HYAL4: variants seen among roughly 807,000 people sequenced by gnomAD.
HYAL4 encodes the protein hyaluronidase 4.
Under a neutral mutation model 35.2 loss-of-function variants are expected in HYAL4, and 37 were observed. The ratio of observed to expected loss-of-function variants is 1.05; its 90% CI spans 0.81 to 1.38. The LOEUF (loss-of-function observed/expected upper bound fraction) is 1.38. Among genes scored for constraint, HYAL4 ranks in the 40% most tolerant of loss-of-function variants. HYAL4 has a pLI of 0.00. For synonymous variants in HYAL4, 198 were observed against 203.2 expected, an observed-to-expected ratio of 0.97 and a Z score of 0.22; for missense variants, 572 against 572.4, an observed-to-expected ratio of 1.00 and a Z score of 0.01.
At chr7:123,823,865 AC>A in the HYAL4 span, among the ~76,000 whole-genome samples, 1 of 151,984 alleles carries the variant, frequency 6.6e-6, no homozygotes, top group Non-Finnish European at 1.5e-5. Context: ...AATAACTACT[AC>A]TTTTCTAAAG....
At chr7:123,801,208 T>C in the HYAL4 span, among the ~76,000 whole-genome samples, 1 of 151,994 alleles carries the variant, frequency 6.6e-6, no homozygotes, top group Non-Finnish European at 1.5e-5. Context: ...TTATTCATAT[T>C]ATTTCTCATT....
chr7:123,861,935 A>G (rs1806584382), intron 2 of HYAL4, among the ~76,000 whole-genome samples: 1 of 152,200 alleles, frequency 6.6e-6, no homozygotes, highest in Non-Finnish European at 1.5e-5. Context: ...AGTTTTTAAG[A>G]AAAATGTATG....
Position 123,877,385 on chromosome 7 carries a change from A to G in HYAL4, c.*230A>G. ...CACTTCCTCCTTATTGGAATATTTAAGTTGCATTTAAACTAAAACTAGTAT... is the reference window on the plus strand; with the variant it reads ...CACTTCCTCCTTATTGGAATATTTAGGTTGCATTTAAACTAAAACTAGTAT... On this transcript the variant is annotated 3_prime_UTR_variant, in exon 5 of 5. Transcript: ENST00000223026. The G allele has an allele frequency of 4.6e-6, 2 of 434,666 alleles. No individual in the cohort carries two copies. Among genetic ancestry groups the G allele is most frequent in the South Asian group, 1.2e-4 (2 of 17,312 alleles). 26.9% of individuals were successfully genotyped at this position (434,666 alleles called of 1,614,324 possible). A position where few individuals can be genotyped will look rare whatever the true frequency, so the allele number is the denominator to read the frequency against.
At chr7:123,816,347 C>T in the HYAL4 span, among the ~76,000 whole-genome samples, 8 of 152,126 alleles carry the variant, frequency 5.3e-5, no homozygotes, top group African/African-American at 1.9e-4. Context: ...TAAGGTATTC[C>T]TCAAGTGATG....
chr7:123,873,154 G>A (rs574582682), intron 3 of HYAL4, among the ~76,000 whole-genome samples: 1 of 152,256 alleles, frequency 6.6e-6, no homozygotes, highest in Non-Finnish European at 1.5e-5. Flanking sequence ...AGAGTCTGCA[G>A]TCTTGGTACT....
At chr7:123,767,759 C>T in the HYAL4 span, among the ~76,000 whole-genome samples, 3 of 152,208 alleles carry the variant, frequency 2.0e-5, no homozygotes, top group Non-Finnish European at 4.4e-5. Flanking sequence ...GTTCCACCCA[C>T]ACACATATAT....
At chr7:123,836,447 C>A (rs766233562) in intron 1 of HYAL4, among the ~76,000 whole-genome samples, 6 of 152,148 alleles carry the variant, frequency 3.9e-5, no homozygotes, top group Non-Finnish European at 7.3e-5. Flanking sequence ...TTTTCCACCC[C>A]TCTACCTTAA....
the HYAL4 span, among the ~76,000 whole-genome samples, chr7:123,821,576 A>G: frequency 6.6e-6 from 1 of 152,148 alleles, no homozygotes; most frequent in Non-Finnish European, 1.5e-5. Flanking sequence ...TGGTTTGGAA[A>G]TATTTCTACT....
chr7:123,805,305 T>C, the HYAL4 span, among the ~76,000 whole-genome samples: 3 of 152,248 alleles, frequency 2.0e-5, no homozygotes, highest in East Asian at 3.8e-4. Context: ...TAGATTCTTT[T>C]GAATATCTGC....
At chr7:123,822,484 T>C in the HYAL4 span, among the ~76,000 whole-genome samples, 2 of 152,206 alleles carry the variant, frequency 1.3e-5, no homozygotes, top group African/African-American at 4.8e-5. Context: ...TTTTGTATGT[T>C]GATTTTGTAT....
intron 2 of HYAL4, among the ~76,000 whole-genome samples, chr7:123,858,071 C>T (rs1439812548): frequency 6.6e-6 from 1 of 152,100 alleles, no homozygotes; most frequent in Non-Finnish European, 1.5e-5. Flanking sequence ...GTGGCACACA[C>T]TTGTAGTCCC....
chr7:123,874,461 T>C (rs1418695887), intron 3 of HYAL4, among the ~76,000 whole-genome samples: 1 of 152,104 alleles, frequency 6.6e-6, no homozygotes, highest in Non-Finnish European at 1.5e-5. Context: ...TGGAGTGCAA[T>C]GGTGCGATCT....
chr7:123,841,202 T>A (rs896513737), upstream of HYAL4, among the ~76,000 whole-genome samples: 2 of 152,036 alleles, frequency 1.3e-5, no homozygotes, highest in Non-Finnish European at 2.9e-5. Flanking sequence ...CATGAAGGGC[T>A]GTTGAATTTT....
At chr7:123,828,641 C>T (rs149241528), upstream of HYAL4, among the ~76,000 whole-genome samples, 23 of 152,250 alleles carry the variant, frequency 1.5e-4, 1 homozygote, top group East Asian at 2.7e-3. Flanking sequence ...AAACCATCCC[C>T]ATATTAATGA....
the HYAL4 span, among the ~76,000 whole-genome samples, chr7:123,800,716 G>A: frequency 6.6e-6 from 1 of 151,636 alleles, no homozygotes; most frequent in East Asian, 2.0e-4. Context: ...GAGTGCAGTG[G>A]TCTGATCTCG....
At chr7:123,804,560 C>T in the HYAL4 span, among the ~76,000 whole-genome samples, 3 of 151,912 alleles carry the variant, frequency 2.0e-5, no homozygotes, top group Non-Finnish European at 4.4e-5. Context: ...AGTTAGCACT[C>T]GTGCTATTCT....
At chr7:123,784,708 C>T in the HYAL4 span, among the ~76,000 whole-genome samples, 1 of 152,220 alleles carries the variant, frequency 6.6e-6, no homozygotes, top group East Asian at 1.9e-4. Context: ...CTTACCTTAA[C>T]TCTATAAAGA....
chr7:123,813,028 G>A, the HYAL4 span, among the ~76,000 whole-genome samples: 4 of 152,040 alleles, frequency 2.6e-5, no homozygotes, highest in Non-Finnish European at 4.4e-5. Context: ...GAGAGCATAC[G>A]ACTTGAACTC....
the HYAL4 span, among the ~76,000 whole-genome samples, chr7:123,806,921 A>G: frequency 6.6e-6 from 1 of 152,100 alleles, no homozygotes; most frequent in African/African-American, 2.4e-5. Context: ...GTACTTAGGG[A>G]ATGGGAAGGG....
Sources: gnomAD v4.1 joint callset for allele counts (sites outside exome capture counted in the v4.1 genomes callset) on GRCh38, gnomAD v4.1.1 for gene constraint, MANE v1.5 for transcripts, NCBI Gene and HGNC (gene_info 2026-07-23, HGNC 2026-07-21) for gene names.